ADSL: variants seen among roughly 807,000 people sequenced by gnomAD.
The protein encoded by ADSL is adenylosuccinase.
ADSL carries 44 observed loss-of-function variants against 62.1 expected under a neutral mutation model. The ratio of observed to expected loss-of-function variants is 0.71; its 90% CI spans 0.56 to 0.91. ADSL has a LOEUF of 0.91. Among genes scored for constraint, ADSL ranks in the 40% least tolerant of loss-of-function variants. The pLI is 0.00. For synonymous variants in ADSL, 198 were observed against 220.5 expected (o/e 0.90, Z 0.90); for missense variants, 531 against 627.4 (o/e 0.85, Z 1.64).
downstream of ADSL, chr22:40,373,428 CTG>C (rs2045949506): frequency 1.3e-5 from 2 of 152,216 alleles, no homozygotes; most frequent in Admixed American, 6.5e-5. Context: ...ACCCTCAACT[CTG>C]TTGAAACTAC....
intron 6 of ADSL, 51 bp from the exon 7 acceptor site, chr22:40,360,351 G>A (rs1455594595): frequency 1.3e-6 from 2 of 1,498,338 alleles, no homozygotes; most frequent in African/African-American, 2.8e-5. Context: ...ATGCACCACT[G>A]CAATGGCTTT....
At position 40,349,933 on chromosome 22, in the gene ADSL, A is replaced by G. The variant is rs747492297; in HGVS notation, c.255A>G (p.Arg85=). The G allele has an allele frequency of 1.7e-5, 28 of 1,614,082 alleles. No individual in the cohort carries two copies. The highest frequency in any genetic ancestry group is 2.3e-5 in the Non-Finnish European group (27 of 1,180,034). ...KMAAEEEKRL[R]HDVMAHVHTF... The stretch of plus-strand genomic sequence containing the variant: ...CAGCTGAGGAAGAGAAACGTTTACG[A>G]CATGATGTGATGGCTCACGTGCACA... Residue 85 remains arginine (R), a synonymous_variant, in exon 2 of 13, where the codon CGA becomes CGG. Transcript: ENST00000623063.
chr22:40,354,465 G>T, intron 4 of ADSL, 138 bp downstream of exon 4: 5 of 771,020 alleles, frequency 6.5e-6, no homozygotes, highest in Non-Finnish European at 1.2e-5. Context: ...TGCTTATAAG[G>T]AATGAGCCTG....
chr22:40,363,372 G>T, intron 10 of ADSL, among the ~76,000 whole-genome samples: 1 of 152,212 alleles, frequency 6.6e-6, no homozygotes, highest in South Asian at 2.1e-4. Context: ...ACTTGAGGCA[G>T]ATGGGTTCAT....
intron 2 of ADSL, chr22:40,376,178 CTTTTTTTT>C (rs10616868): frequency 3.5e-3 from 304 of 86,824 alleles, no homozygotes; most frequent in African/African-American, 0.012. Context: ...CAAATTACCA[CTTTTTTTT>C]TTTTTTTTTT....
chr22:40,353,447 C>G lies in ADSL; in HGVS notation c.402+330C>G. 5 of 699,918 alleles carry G rather than the reference C, an allele frequency of 7.1e-6. No homozygotes were observed. In the South Asian group the frequency reaches 7.4e-5, roughly 10 times the overall value. 43.4% of individuals were successfully genotyped at this position (699,918 alleles called of 1,614,324 possible). A position where few individuals can be genotyped will look rare whatever the true frequency, so the allele number is the denominator to read the frequency against. On this transcript the variant is annotated intron_variant, in intron 3 of 12. Coordinates refer to ENST00000623063, the MANE Select transcript of ADSL (RefSeq NM_000026.4). Reference sequence around the variant, plus strand: ...AGGTGGGAGTACAGGTGCATGCCACCTCACCTGGCTAATTTTCTGTAGAAA... The same window carrying G: ...AGGTGGGAGTACAGGTGCATGCCACGTCACCTGGCTAATTTTCTGTAGAAA...
At chr22:40,373,544 G>A (rs1244338896), downstream of ADSL, 2 of 152,208 alleles carry the variant, frequency 1.3e-5, no homozygotes, top group African/African-American at 4.8e-5. Context: ...AGGTAGTTTA[G>A]AGATTAATGA....
chr22:40,358,814 G>C, intron 4 of ADSL, 50 bp from the exon 5 acceptor site: 1 of 1,579,326 alleles, frequency 6.3e-7, no homozygotes, highest in Non-Finnish European at 8.7e-7. Context: ...AAACCTTGAT[G>C]ATTTAAGGTC....
intron 12 of ADSL, 95 bp downstream of exon 12, chr22:40,365,151 C>T: frequency 6.1e-6 from 8 of 1,318,984 alleles, no homozygotes; most frequent in Non-Finnish European, 8.7e-6. Context: ...TGGGAATGGG[C>T]TAGTTAGAAG....
At chr22:40,360,594 T>G (rs2044746026) in intron 7 of ADSL, 102 bp downstream of exon 7, 1 of 816,480 alleles carries the variant, frequency 1.2e-6, no homozygotes, top group Non-Finnish European at 2.0e-6. Context: ...TCAAGCAATA[T>G]TTTACATTAG....
intron 1 of ADSL, among the ~76,000 whole-genome samples, chr22:40,349,095 G>A (rs1418437746): frequency 1.3e-5 from 2 of 152,070 alleles, no homozygotes; most frequent in Non-Finnish European, 2.9e-5. Flanking sequence ...AAGCACTAAG[G>A]ATTAAGCAAT....
chr22:40,384,509 G>A (rs927743073), intron 2 of ADSL, among the ~76,000 whole-genome samples: 1 of 152,130 alleles, frequency 6.6e-6, no homozygotes, highest in African/African-American at 2.4e-5. Context: ...GGCCAGGTGC[G>A]GTGGCTCACG....
At chr22:40,371,351 A>G (rs1354814015), downstream of ADSL, among the ~76,000 whole-genome samples, 1 of 152,250 alleles carries the variant, frequency 6.6e-6, no homozygotes, top group Non-Finnish European at 1.5e-5. Flanking sequence ...TGACTGGGTG[A>G]CTAGTGTATC....
chr22:40,364,048 G>A (rs950516126), intron 10 of ADSL, among the ~76,000 whole-genome samples: 5 of 151,726 alleles, frequency 3.3e-5, no homozygotes, highest in African/African-American at 1.2e-4. Context: ...CTGCACTCCA[G>A]CCTGGGCGAC....
At chr22:40,386,034 T>G (rs2048377360) in intron 2 of ADSL, among the ~76,000 whole-genome samples, 1 of 151,462 alleles carries the variant, frequency 6.6e-6, no homozygotes, top group South Asian at 2.1e-4. Flanking sequence ...TGTTTTTTTT[T>G]TTGTTTTTTT....
intron 4 of ADSL, among the ~76,000 whole-genome samples, chr22:40,354,644 G>T (rs1377409139): frequency 2.0e-5 from 3 of 152,138 alleles, no homozygotes; most frequent in Admixed American, 1.3e-4. Flanking sequence ...GTCAAGGTGG[G>T]CAGATCCCTT....
chr22:40,381,770 C>T (rs780362309), intron 2 of ADSL, among the ~76,000 whole-genome samples: 1 of 152,092 alleles, frequency 6.6e-6, no homozygotes, highest in Non-Finnish European at 1.5e-5. Flanking sequence ...GCCTGAGCAA[C>T]ATGGCAAAAC....
Position 40,354,244 on chromosome 22 carries a change from G to A in ADSL, c.403-4G>A, listed in dbSNP as rs373652667. Reference sequence around the variant, plus strand: ...CTCTTTCTATCACATGATCTTTCTTGTAGCTTGCCAGAGTGATCTCTCGGC... The same window carrying A: ...CTCTTTCTATCACATGATCTTTCTTATAGCTTGCCAGAGTGATCTCTCGGC... On this transcript the variant is annotated splice_polypyrimidine_tract_variant and splice_region_variant and intron_variant, in intron 3 of 12. Transcript: ENST00000623063. 914 of 1,613,714 alleles carry A rather than the reference G, an allele frequency of 5.7e-4. 2 individuals carry two copies. Among genetic ancestry groups the A allele is most frequent in the Non-Finnish European group, 5.5e-4 (653 of 1,179,774 alleles).
At chr22:40,376,784 T>G (rs2046698694) in intron 2 of ADSL, among the ~76,000 whole-genome samples, 1 of 151,854 alleles carries the variant, frequency 6.6e-6, no homozygotes, top group African/African-American at 2.4e-5. Flanking sequence ...TAGTTTTTTG[T>G]TTTTTTTAAT....
Sources: gnomAD v4.1 joint callset for allele counts (sites outside exome capture counted in the v4.1 genomes callset) on GRCh38, gnomAD v4.1.1 for gene constraint, MANE v1.5 for transcripts, NCBI Gene and HGNC (gene_info 2026-07-23, HGNC 2026-07-21) for gene names.